Variants in NALF1 observed in about 807,000 individuals in gnomAD.
The protein encoded by NALF1 is family with sequence similarity 155 member A.
NALF1 carries 3 observed loss-of-function variants against 48.4 expected under a neutral mutation model. The observed-to-expected ratio is 0.06, with a 90% CI of 0.03 to 0.16. The LOEUF (loss-of-function observed/expected upper bound fraction) is 0.16. Ranked by LOEUF, NALF1 falls within the 10% of genes least tolerant of loss-of-function variation. NALF1 has a pLI of 1.00. For synonymous variants in NALF1, 262 were observed against 245.7 expected, an observed-to-expected ratio of 1.07 and a Z score of -0.62; for missense variants, 526 against 571.5, an observed-to-expected ratio of 0.92 and a Z score of 0.81.
At chr13:107,462,262 C>A (rs111525890) in intron 1 of NALF1, among the ~76,000 whole-genome samples, 1 of 151,646 alleles carries the variant, frequency 6.6e-6, no homozygotes, top group Non-Finnish European at 1.5e-5. Context: ...ATGTGAAGTT[C>A]GAGCAAATAC....
chr13:107,519,964 T>G (rs930522938), intron 1 of NALF1, among the ~76,000 whole-genome samples: 4 of 152,194 alleles, frequency 2.6e-5, no homozygotes, highest in Non-Finnish European at 5.9e-5. Flanking sequence ...TTGCATTAAT[T>G]TTTATGAAAT....
chr13:107,324,295 T>G (rs535678129), intron 1 of NALF1, among the ~76,000 whole-genome samples: 5 of 152,236 alleles, frequency 3.3e-5, no homozygotes, highest in Non-Finnish European at 7.3e-5. Context: ...TTAAAATATT[T>G]TGCTTTATAT....
chr13:107,466,279 A>G (rs1885001287), intron 1 of NALF1: 1 of 152,208 alleles, frequency 6.6e-6, no homozygotes, highest in African/African-American at 2.4e-5. Flanking sequence ...GACACTGCCA[A>G]ACCATATCAA....
rs577426261 is a variant in NALF1, at chr13:107,603,337, C to T, written c.915+262345G>A. The stretch of plus-strand genomic sequence containing the variant: ...ATTCATTTCCTAAGAAGAAAGATTG[C>T]CATGTGCTAGCCAAAATTGCTCAAA... On this transcript the variant is annotated intron_variant, in intron 1 of 2. Coordinates refer to ENST00000375915, the MANE Select transcript of NALF1 (RefSeq NM_001080396.3). 1.6e-3 allele frequency among the ~76,000 whole-genome samples: 242 copies of T among 152,258 alleles called. 1 individual carries two copies. The highest frequency in any genetic ancestry group is 5.5e-3 in the African/African-American group (228 of 41,542).
intron 1 of NALF1, among the ~76,000 whole-genome samples, chr13:107,724,691 A>T (rs559336826): frequency 6.2e-4 from 95 of 152,254 alleles, no homozygotes; most frequent in African/African-American, 2.1e-3. Context: ...CCTCCTGAAT[A>T]GCTGGGACTA....
Position 107,326,124 on chromosome 13 carries a change from A to AATTTTG in NALF1, c.916-115375_916-115370dup, listed in dbSNP as rs1470007235. Among the ~76,000 whole-genome samples the AATTTTG allele has an allele frequency of 4.0e-5, 6 of 151,830 alleles. No individual in the cohort carries two copies. In the East Asian group the frequency reaches 1.2e-3, roughly 29 times the overall value. On this transcript the variant is annotated intron_variant, in intron 1 of 2. Transcript: ENST00000375915. ...TAAAAAAATCTGTGGTAGTGAAAAC[A>AATTTTG]ATTTTGAAGGCAGAAATGCTAGGAG...
chr13:107,597,721 T>G (rs1175727405), intron 1 of NALF1, among the ~76,000 whole-genome samples: 1 of 152,148 alleles, frequency 6.6e-6, no homozygotes, highest in Non-Finnish European at 1.5e-5. Flanking sequence ...CCTATGAATA[T>G]CTAAATTTTA....
At chr13:107,229,230 A>T (rs1222480390) in intron 1 of NALF1, among the ~76,000 whole-genome samples, 1 of 152,120 alleles carries the variant, frequency 6.6e-6, no homozygotes, top group African/African-American at 2.4e-5. Context: ...GATTTCATTT[A>T]AAAAATTTTA....
intron 1 of NALF1, among the ~76,000 whole-genome samples, chr13:107,356,103 G>A (rs912155463): frequency 3.9e-5 from 6 of 152,132 alleles, no homozygotes; most frequent in Non-Finnish European, 8.8e-5. Context: ...CACAGGAGCC[G>A]ATGTCATGCT....
rs549026613 is a variant in NALF1, at chr13:107,299,435, CAAT to C, written c.916-88683_916-88681del. On this transcript the variant is annotated intron_variant, in intron 1 of 2. Coordinates refer to ENST00000375915, the MANE Select transcript of NALF1 (RefSeq NM_001080396.3). ...TGGGCTACAGAGCGAGACTTTGTCTCAATAATAATAATAATAATAATAATAATA... is the reference window on the plus strand; with the variant it reads ...TGGGCTACAGAGCGAGACTTTGTCTCAATAATAATAATAATAATAATAATA... Among the ~76,000 whole-genome samples the C allele has an allele frequency of 5.3e-3, 653 of 124,130 alleles. 4 individuals carry two copies. Among genetic ancestry groups the C allele is most frequent in the Non-Finnish European group, 6.2e-3 (363 of 58,312 alleles). The allele number at this position is 124,130 out of a possible 152,430, so 81.4% of individuals were successfully genotyped here. A position where few individuals can be genotyped will look rare whatever the true frequency, so the allele number is the denominator to read the frequency against.
chr13:107,334,203 A>G (rs2138926962), intron 1 of NALF1, among the ~76,000 whole-genome samples: 1 of 152,344 alleles, frequency 6.6e-6, no homozygotes, highest in South Asian at 2.1e-4. Context: ...GTAATAGTCT[A>G]AAGATTTGCA....
intron 1 of NALF1, among the ~76,000 whole-genome samples, chr13:107,857,937 T>C (rs1403165618): frequency 6.6e-6 from 1 of 152,222 alleles, no homozygotes; most frequent in African/African-American, 2.4e-5. Context: ...TATACCAGAC[T>C]AAAAGACTCT....
At chr13:107,461,161 A>C (rs1884912569) in intron 1 of NALF1, among the ~76,000 whole-genome samples, 1 of 152,196 alleles carries the variant, frequency 6.6e-6, no homozygotes, top group Non-Finnish European at 1.5e-5. Context: ...GATTAAACCC[A>C]AGGTCTAAAA....
chr13:107,681,245 G>A (rs1171680529), intron 1 of NALF1, among the ~76,000 whole-genome samples: 1 of 152,118 alleles, frequency 6.6e-6, no homozygotes, highest in African/African-American at 2.4e-5. Flanking sequence ...TAAAGAATTT[G>A]ACAGAATCAG....
At chr13:107,606,659 C>G (rs1480203539) in intron 1 of NALF1, among the ~76,000 whole-genome samples, 1 of 152,070 alleles carries the variant, frequency 6.6e-6, no homozygotes, top group South Asian at 2.1e-4. Context: ...AGCCACTGCG[C>G]CTGGCACCTT....
Position 107,170,808 on chromosome 13 carries a change from G to C in NALF1, c.1088-22C>G, listed in dbSNP as rs772663888. On this transcript the variant is annotated intron_variant, in intron 2 of 2. Coordinates refer to ENST00000375915, the MANE Select transcript of NALF1 (RefSeq NM_001080396.3). ...AGCCCTGTAGGAAGAAGGAAGTAGAGTGTCAGCAGGAAGGAAATACATTTG... is the reference window on the plus strand; with the variant it reads ...AGCCCTGTAGGAAGAAGGAAGTAGACTGTCAGCAGGAAGGAAATACATTTG... The C allele has an allele frequency of 6.2e-6, 10 of 1,608,088 alleles. No individual in the cohort carries two copies. In the Admixed American group the frequency reaches 1.7e-4, roughly 27 times the overall value.
intron 1 of NALF1, among the ~76,000 whole-genome samples, chr13:107,652,298 T>C (rs947033220): frequency 1.3e-5 from 2 of 152,194 alleles, no homozygotes; most frequent in African/African-American, 2.4e-5. Context: ...GCCTTTGTTA[T>C]TAAGATTGTT....
rs576800725 is a variant in NALF1 at position 107,298,053 on chromosome 13, C to A, written c.916-87298G>T. Among the ~76,000 whole-genome samples, 49 of 152,108 alleles carry A rather than the reference C, an allele frequency of 3.2e-4. 1 individual carries two copies. The South Asian group carries it at 0.01, about 32-fold the overall frequency. ...CAATATTTTTGCATTGAAGTTTGGG[C>A]AAATTTAATAGATCAGGCTTTTATT... On this transcript the variant is annotated intron_variant, in intron 1 of 2. Coordinates refer to ENST00000375915, the MANE Select transcript of NALF1 (RefSeq NM_001080396.3).
At chr13:107,403,470 T>C (rs1236092444) in intron 1 of NALF1, among the ~76,000 whole-genome samples, 1 of 151,736 alleles carries the variant, frequency 6.6e-6, no homozygotes, top group African/African-American at 2.4e-5. Flanking sequence ...AGTGATTAGA[T>C]TTTCAGACTA....
Sources: allele counts gnomAD v4.1 joint callset (sites outside exome capture counted in the v4.1 genomes callset), GRCh38; gene constraint gnomAD v4.1.1; transcripts MANE v1.5; gene names NCBI Gene and HGNC (gene_info 2026-07-23, HGNC 2026-07-21).